Variants in ZNF350 observed in about 807,000 individuals in gnomAD.
The protein encoded by ZNF350 is zinc finger protein 350.
In ZNF350, 5 loss-of-function variants were observed where a neutral mutation model predicts 13.1. The ratio of observed to expected loss-of-function variants is 0.38; its 90% confidence interval spans 0.20 to 0.80. The LOEUF is 0.80. ZNF350 is among the 30% of genes least tolerant of loss of function. The pLI is 0.43. For synonymous variants in ZNF350, 199 were observed against 224.2 expected (o/e 0.89, Z 1.00); for missense variants, 534 against 644.2 (o/e 0.83, Z 1.85).
At chr19:51,970,401 C>T (rs1370536959) in intron 2 of ZNF350, among the ~76,000 whole-genome samples, 3 of 152,024 alleles carry the variant, frequency 2.0e-5, no homozygotes, top group Non-Finnish European at 4.4e-5. Context: ...CTTATAATAT[C>T]TAATACAATG....
Position 51,966,070 on chromosome 19 carries a change from A to G in ZNF350, c.383T>C (p.Ile128Thr). Residue 128 changes from isoleucine (I) to threonine (T), a missense_variant, in exon 5 of 5, where the codon ATA (isoleucine) becomes ACA (threonine). Ile to Thr is a moderately conservative substitution (Grantham distance 89). Transcript: ENST00000243644. ...CAAACTTTTTCCACGTAAGTCAAAT[A>G]TATCATGATTTTGCCCTAACAGAAA... is the stretch of plus-strand genomic sequence containing the variant. ...SQFLLGQNHD[I>T]FDLRGKSLKS... The G allele has an allele frequency of 6.2e-7, 1 of 1,614,110 alleles. No homozygotes were observed. The highest frequency in any genetic ancestry group is 8.5e-7 in the Non-Finnish European group (1 of 1,180,024).
intron 3 of ZNF350, 126 bp from the exon 4 acceptor site, chr19:51,968,799 A>C: frequency 7.1e-7 from 1 of 1,416,376 alleles, no homozygotes; most frequent in South Asian, 1.3e-5. Context: ...TTCTTATCTG[A>C]AACTATGAAA....
At chr19:51,969,218 C>T in intron 2 of ZNF350, 87 bp from the exon 3 acceptor site, 7 of 1,516,618 alleles carry the variant, frequency 4.6e-6, no homozygotes, top group Admixed American at 3.8e-5. Flanking sequence ...TTCCACTCTA[C>T]AGGCTGTGTG....
Position 51,968,678 on chromosome 19 carries a change from T to C in ZNF350, c.143-5A>G. ...CCGGTTTGCTGGCTTGATACCCTGTTCATGGAAAATGATAGAGGACTTAGA... is the reference window on the plus strand; with the variant it reads ...CCGGTTTGCTGGCTTGATACCCTGTCCATGGAAAATGATAGAGGACTTAGA... On this transcript the variant is annotated splice_region_variant and splice_polypyrimidine_tract_variant and intron_variant, in intron 3 of 4. Coordinates refer to ENST00000243644, the MANE Select transcript of ZNF350 (RefSeq NM_021632.4). 6.2e-7 allele frequency: 1 copy of C among 1,613,814 alleles called. No individual in the cohort carries two copies. Among genetic ancestry groups the C allele is most frequent in the East Asian group, 2.2e-5 (1 of 44,882 alleles).
At chr19:51,981,362 A>G (rs1000301240) in intron 1 of ZNF350, 1 of 150,152 alleles carries the variant, frequency 6.7e-6, no homozygotes, top group African/African-American at 2.5e-5. Flanking sequence ...CCTTCTCCCA[A>G]ATATACTCTT....
intron 2 of ZNF350, among the ~76,000 whole-genome samples, chr19:51,969,586 C>A (rs1011520485): frequency 2.0e-5 from 3 of 152,074 alleles, no homozygotes; most frequent in African/African-American, 4.8e-5. Flanking sequence ...AATCCCAGCA[C>A]TTTCGGAGGC....
rs146332729 is a variant in ZNF350 at position 51,974,326 on chromosome 19, A to G, written c.15+20T>C. The G allele has an allele frequency of 5.0e-4, 810 of 1,613,748 alleles. 1 individual carries two copies. The highest frequency in any genetic ancestry group is 4.5e-3 in the African/African-American group (341 of 75,032). Reference sequence around the variant, plus strand: ...ATTATGGAACAAAGGAAAGAATAAAACAAACCAAAAGTCAGTTACCTGGGC... The same window carrying G: ...ATTATGGAACAAAGGAAAGAATAAAGCAAACCAAAAGTCAGTTACCTGGGC... On this transcript the variant is annotated intron_variant, in intron 2 of 4. Coordinates refer to ENST00000243644, the MANE Select transcript of ZNF350 (RefSeq NM_021632.4).
intron 4 of ZNF350, among the ~76,000 whole-genome samples, chr19:51,966,664 TG>T (rs1323440362): frequency 2.0e-5 from 3 of 151,292 alleles, no homozygotes; most frequent in African/African-American, 7.3e-5. Context: ...TTTTGTTTTT[TG>T]GGGACGGAGT....
chr19:51,983,304 T>C lies in ZNF350; in HGVS notation c.-172+3466A>G, dbSNP rs542489570. Among the ~76,000 whole-genome samples the C allele has an allele frequency of 7.9e-3, 1,202 of 152,202 alleles. 21 individuals carry two copies. Among genetic ancestry groups the C allele is most frequent in the Non-Finnish European group, 7.2e-3 (491 of 68,014 alleles). On this transcript the variant is annotated intron_variant, in intron 1 of 4. Transcript: ENST00000243644. ...AGCCTGGGTATTGTCCAAGGTTTCC[T>C]CCCACTGATACAGCCTGAGATATGG...
chr19:51,978,871 G>A (rs952794084), intron 1 of ZNF350, among the ~76,000 whole-genome samples: 1 of 152,204 alleles, frequency 6.6e-6, no homozygotes, highest in African/African-American at 2.4e-5. Context: ...AAAAAGCAAA[G>A]TTTATCTGAA....
In ZNF350 at chr19:51,968,739, AATGTTACATTT is replaced by A; in HGVS notation, c.143-77_143-67del. The A allele has an allele frequency of 3.3e-6, 5 of 1,519,510 alleles. No homozygotes were observed. In the Admixed American group the frequency reaches 9.1e-5, roughly 28 times the overall value. 94.1% of individuals were successfully genotyped at this position (1,519,510 alleles called of 1,614,324 possible). A position where few individuals can be genotyped will look rare whatever the true frequency, so the allele number is the denominator to read the frequency against. On this transcript the variant is annotated intron_variant, in intron 3 of 4. Coordinates refer to ENST00000243644, the MANE Select transcript of ZNF350 (RefSeq NM_021632.4). ...TGGGCTGGCAATGTCAAGAAGGAAGAATGTTACATTTCAAGAAACTTGAGTTTCTTAAAATA... is the reference window on the plus strand; with the variant it reads ...TGGGCTGGCAATGTCAAGAAGGAAGACAAGAAACTTGAGTTTCTTAAAATA...
chr19:51,977,814 G>A (rs2085937101), intron 1 of ZNF350, among the ~76,000 whole-genome samples: 1 of 152,252 alleles, frequency 6.6e-6, no homozygotes, highest in Admixed American at 6.5e-5. Context: ...TTTTCTCAGA[G>A]CTTGTCAGGA....
intron 4 of ZNF350, among the ~76,000 whole-genome samples, chr19:51,966,999 C>A (rs1349347428): frequency 6.6e-6 from 1 of 152,032 alleles, no homozygotes; most frequent in Non-Finnish European, 1.5e-5. Flanking sequence ...TTAGTAATAA[C>A]CCTATGACCT....
At chr19:51,968,867 C>T (rs1037785886) in intron 3 of ZNF350, 138 bp downstream of exon 3, 60 of 1,559,034 alleles carry the variant, frequency 3.8e-5, no homozygotes, top group Admixed American at 1.2e-4. Flanking sequence ...TAGATTACAC[C>T]GTCTTGTGTG....
In ZNF350 at chr19:51,965,405, C is replaced by G; in HGVS notation, c.1048G>C (p.Glu350Gln). 1 of 1,614,156 alleles carries G rather than the reference C, an allele frequency of 6.2e-7. No homozygotes were observed. Among genetic ancestry groups the G allele is most frequent in the Non-Finnish European group, 8.5e-7 (1 of 1,180,022 alleles). The change falls in exon 5 of 5, where the codon GAA becomes CAA. Residue 350 changes from glutamate to glutamine, a missense_variant. Physicochemically the swap from Glu to Gln is conservative, Grantham distance 29. Coordinates refer to ENST00000243644, the MANE Select transcript of ZNF350 (RefSeq NM_021632.4). ...TTCTGAGAACAGGATTTTCCACATT[C>G]ACTGCACACAAAGGGCGTCTTTCCT... is the stretch of plus-strand genomic sequence containing the variant. ...HTGKTPFVCS[E>Q]CGKSCSQKSG... is the part of the protein sequence containing the mutation.
intron 1 of ZNF350, among the ~76,000 whole-genome samples, chr19:51,975,653 G>A (rs1325623842): frequency 6.6e-6 from 1 of 152,174 alleles, no homozygotes; most frequent in Non-Finnish European, 1.5e-5. Context: ...ACAGAGCATG[G>A]ATCCCAGTTA....
chr19:51,973,129 G>C (rs1164928456), intron 2 of ZNF350: 1 of 151,942 alleles, frequency 6.6e-6, no homozygotes, highest in Non-Finnish European at 1.5e-5. Context: ...TGTATTTTTA[G>C]TAGAGACAGG....
chr19:51,968,686 A>C lies in ZNF350; in HGVS notation c.143-13T>G. On this transcript the variant is annotated splice_polypyrimidine_tract_variant and intron_variant, in intron 3 of 4. Coordinates refer to ENST00000243644, the MANE Select transcript of ZNF350 (RefSeq NM_021632.4). ...CTGGCTTGATACCCTGTTCATGGAA[A>C]ATGATAGAGGACTTAGACATATCAA... 6.2e-7 allele frequency: 1 copy of C among 1,612,776 alleles called. No individual in the cohort carries two copies. Among genetic ancestry groups the C allele is most frequent in the Non-Finnish European group, 8.5e-7 (1 of 1,178,768 alleles).
rs140351285 is a variant in ZNF350 at position 51,977,044 on chromosome 19, A to G, written c.-171-2513T>C. 1.4e-3 allele frequency among the ~76,000 whole-genome samples: 213 copies of G among 152,360 alleles called. 2 individuals are homozygous for G. The highest frequency in any genetic ancestry group is 4.3e-3 in the African/African-American group (179 of 41,582). The stretch of plus-strand genomic sequence containing the variant: ...GGAGAGGGAGGATAAAAATTGGCCT[A>G]TACTGCCTCCTTCAGTTGCAGAAAC... On this transcript the variant is annotated intron_variant, in intron 1 of 4. Coordinates refer to ENST00000243644, the MANE Select transcript of ZNF350 (RefSeq NM_021632.4).
Sources: gnomAD v4.1 joint callset for allele counts (sites outside exome capture counted in the v4.1 genomes callset) on GRCh38, gnomAD v4.1.1 for gene constraint, MANE v1.5 for transcripts, NCBI Gene and HGNC (gene_info 2026-07-23, HGNC 2026-07-21) for gene names.